Variants in CCDC38 observed in about 807,000 individuals in gnomAD.
CCDC38 encodes coiled-coil domain containing 38, also known as coiled-coil domain-containing protein 38.
Under a neutral mutation model 72.8 loss-of-function variants are expected in CCDC38, and 69 were observed. The ratio of observed to expected loss-of-function variants is 0.95; its 90% confidence interval spans 0.78 to 1.16. The LOEUF is 1.16. CCDC38 is among the 50% of genes most tolerant of loss of function. The pLI, the probability that CCDC38 is intolerant of heterozygous loss-of-function variation, is 0.00. For synonymous variants in CCDC38, 201 were observed against 213.2 expected (o/e 0.94, Z 0.50); for missense variants, 626 against 638.9 (o/e 0.98, Z 0.22).
At position 95,936,459 on chromosome 12, in the gene CCDC38, T is replaced by C. The variant is rs764449988; in HGVS notation, c.37+14A>G. 8.7e-6 allele frequency: 14 copies of C among 1,612,310 alleles called. 1 individual carries two copies. The highest frequency in any genetic ancestry group is 8.5e-7 in the Non-Finnish European group (1 of 1,179,398). ...CAGGCCCAAACAAGAATATATTGATTGATTTCTTTTTACCTCCAGAATTCA... is the reference window on the plus strand; with the variant it reads ...CAGGCCCAAACAAGAATATATTGATCGATTTCTTTTTACCTCCAGAATTCA... On this transcript the variant is annotated intron_variant, in intron 2 of 15. Coordinates refer to ENST00000344280, the MANE Select transcript of CCDC38 (RefSeq NM_182496.3).
intron 8 of CCDC38, among the ~76,000 whole-genome samples, chr12:95,891,259 T>G (rs1433070086): frequency 6.6e-6 from 1 of 152,240 alleles, no homozygotes; most frequent in Admixed American, 6.5e-5. Context: ...AAATCCCAAA[T>G]GTTAGCTTTC....
At chr12:95,888,322 G>C in intron 10 of CCDC38, 136 bp downstream of exon 10, 1 of 755,570 alleles carries the variant, frequency 1.3e-6, no homozygotes, top group South Asian at 1.7e-5. Flanking sequence ...GGAGTGCACA[G>C]AAATGGCACC....
At chr12:95,914,697 T>C (rs1486351035) in intron 4 of CCDC38, among the ~76,000 whole-genome samples, 2 of 152,228 alleles carry the variant, frequency 1.3e-5, no homozygotes, top group African/African-American at 4.8e-5. Flanking sequence ...TTTTGGAATT[T>C]TAAAAATTAA....
At chr12:95,919,089 G>A in intron 2 of CCDC38, 113 bp from the exon 3 acceptor site, 1 of 678,774 alleles carries the variant, frequency 1.5e-6, no homozygotes, top group Non-Finnish European at 2.6e-6. Flanking sequence ...GGATCTCTGA[G>A]AAGGTAGTGT....
At chr12:95,896,887 G>A (rs1472910776) in intron 7 of CCDC38, among the ~76,000 whole-genome samples, 3 of 152,196 alleles carry the variant, frequency 2.0e-5, no homozygotes, top group Non-Finnish European at 4.4e-5. Flanking sequence ...GGCTCAACTC[G>A]GCGGCTATTG....
At chr12:95,898,890 G>T in intron 5 of CCDC38, 159 bp from the exon 6 acceptor site, 1 of 743,896 alleles carries the variant, frequency 1.3e-6, no homozygotes, top group Admixed American at 2.9e-5. Flanking sequence ...TATTTTCAGG[G>T]ATAATTAGAG....
intron 4 of CCDC38, among the ~76,000 whole-genome samples, chr12:95,915,902 G>A (rs939585309): frequency 6.6e-6 from 1 of 152,150 alleles, no homozygotes; most frequent in East Asian, 1.9e-4. Context: ...CTACTTTTAA[G>A]AGACCGGTAA....
At chr12:95,925,391 G>T (rs1425942332) in intron 2 of CCDC38, among the ~76,000 whole-genome samples, 1 of 152,160 alleles carries the variant, frequency 6.6e-6, no homozygotes, top group Non-Finnish European at 1.5e-5. Context: ...CATTGATTTT[G>T]TATCCTGAGA....
intron 8 of CCDC38, among the ~76,000 whole-genome samples, chr12:95,892,201 G>A (rs1273987509): frequency 6.7e-6 from 1 of 148,810 alleles, no homozygotes; most frequent in Non-Finnish European, 1.5e-5. Flanking sequence ...GCTAAGTCTG[G>A]TCCTGGTTAC....
At chr12:95,872,988 C>A (rs2079598027) in intron 13 of CCDC38, among the ~76,000 whole-genome samples, 1 of 152,204 alleles carries the variant, frequency 6.6e-6, no homozygotes, top group Admixed American at 6.5e-5. Flanking sequence ...TTAAAATATA[C>A]TGAACTCTAG....
intron 10 of CCDC38, among the ~76,000 whole-genome samples, chr12:95,885,002 G>A (rs1364871474): frequency 6.6e-6 from 1 of 152,134 alleles, no homozygotes; most frequent in African/African-American, 2.4e-5. Context: ...AAGTTTTTTT[G>A]TAGATATAGA....
chr12:95,902,667 A>C (rs2079962464), intron 5 of CCDC38, among the ~76,000 whole-genome samples: 1 of 152,204 alleles, frequency 6.6e-6, no homozygotes, highest in South Asian at 2.1e-4. Context: ...ACTTCAAATA[A>C]GGTTGCTATG....
At chr12:95,936,000 C>T (rs899525382) in intron 2 of CCDC38, among the ~76,000 whole-genome samples, 2 of 152,126 alleles carry the variant, frequency 1.3e-5, no homozygotes, top group African/African-American at 2.4e-5. Context: ...ATCACTTGAA[C>T]CCAGGAGGCG....
chr12:95,930,932 T>A (rs933185530), intron 2 of CCDC38, among the ~76,000 whole-genome samples: 1 of 151,618 alleles, frequency 6.6e-6, no homozygotes, highest in Admixed American at 6.6e-5. Context: ...TACTATTATA[T>A]TCTTCTCTAA....
At chr12:95,903,381 T>A (rs6538683) in intron 5 of CCDC38, 1 of 691,824 alleles carries the variant, frequency 1.4e-6, no homozygotes, top group East Asian at 2.7e-5. Context: ...TCTTTCATTT[T>A]TTTTTCTTGT....
chr12:95,931,855 T>C (rs1264693830), intron 2 of CCDC38, among the ~76,000 whole-genome samples: 22 of 152,158 alleles, frequency 1.4e-4, no homozygotes, highest in Admixed American at 1.4e-3. Context: ...ATGGGTCTCA[T>C]TGATCAAGTG....
At chr12:95,914,214 A>C (rs1485321032) in intron 4 of CCDC38, among the ~76,000 whole-genome samples, 3 of 152,206 alleles carry the variant, frequency 2.0e-5, no homozygotes, top group Non-Finnish European at 4.4e-5. Flanking sequence ...AGTCCCAGCT[A>C]CTCGGAGGCT....
chr12:95,868,584 T>A (rs893978289), intron 15 of CCDC38, among the ~76,000 whole-genome samples: 1 of 152,232 alleles, frequency 6.6e-6, no homozygotes, highest in Non-Finnish European at 1.5e-5. Flanking sequence ...CTCTTGAGGT[T>A]AGTTGTAAGG....
rs554881128 is a variant in CCDC38, at chr12:95,888,898, G to A, written c.872-392C>T. On this transcript the variant is annotated intron_variant, in intron 9 of 15. Transcript: ENST00000344280. ...TACTGTTTGTCTTTGTGTACGTGGG[G>A]TCTTGAAGAGCACCTGAAACATTTA... 5.3e-5 allele frequency among the ~76,000 whole-genome samples: 8 copies of A among 151,994 alleles called. No individual in the cohort carries two copies. In the East Asian group the frequency reaches 1.6e-3, roughly 29 times the overall value.
Sources: allele counts gnomAD v4.1 joint callset (sites outside exome capture counted in the v4.1 genomes callset), GRCh38; gene constraint gnomAD v4.1.1; transcripts MANE v1.5; gene names NCBI Gene and HGNC (gene_info 2026-07-23, HGNC 2026-07-21).